The following MLF1 variants were observed in gnomAD, a reference collection of about 807,000 sequenced individuals.
MLF1 encodes the protein myeloid leukemia factor 1.
Under a neutral mutation model 38.3 loss-of-function variants are expected in MLF1, and 37 were observed. That is an observed-to-expected ratio of 0.96 (90% CI 0.74 to 1.27). The LOEUF (loss-of-function observed/expected upper bound fraction) is 1.27. Among genes scored for constraint, MLF1 ranks in the 50% most tolerant of loss-of-function variants. The probability of loss-of-function intolerance (pLI) is 0.00; values close to 1 mark genes in which losing one functional copy is unlikely to be tolerated. For missense variants in MLF1, 331 were observed against 349.2 expected (o/e 0.95, Z 0.42); for synonymous variants, 95 against 106.5 (o/e 0.89, Z 0.66).
rs548166900 is a variant in MLF1, at chr3:158,571,514, G to A, written c.47+167G>A. On this transcript the variant is annotated intron_variant, in intron 1 of 7. Coordinates refer to ENST00000466246, the MANE Select transcript of MLF1 (RefSeq NM_001369783.1). ...TGGAGGCCTGGGAGGGAAGAGAGAGGAGGATTTAGGGGTGTGTGAGACAGG... is the reference window on the plus strand; with the variant it reads ...TGGAGGCCTGGGAGGGAAGAGAGAGAAGGATTTAGGGGTGTGTGAGACAGG... 307 of 767,380 alleles carry A rather than the reference G, an allele frequency of 4.0e-4. 3 individuals are homozygous for A. In the South Asian group the frequency reaches 5.0e-3, roughly 12 times the overall value. 47.5% of individuals were successfully genotyped at this position (767,380 alleles called of 1,614,324 possible).
At chr3:158,602,005 A>T (rs1206982444) in intron 6 of MLF1, among the ~76,000 whole-genome samples, 1 of 151,664 alleles carries the variant, frequency 6.6e-6, no homozygotes, top group Non-Finnish European at 1.5e-5. Flanking sequence ...TTTAGTAGAG[A>T]CGTGGTTTCA....
chr3:158,583,615 A>C (rs1279393969), intron 1 of MLF1, among the ~76,000 whole-genome samples: 1 of 152,218 alleles, frequency 6.6e-6, no homozygotes, highest in Non-Finnish European at 1.5e-5. Context: ...TGGGAAATGG[A>C]AGTCTCAGAT....
intron 7 of MLF1, among the ~76,000 whole-genome samples, chr3:158,604,074 C>T (rs1448629574): frequency 6.6e-6 from 1 of 152,178 alleles, no homozygotes; most frequent in Non-Finnish European, 1.5e-5. Flanking sequence ...AAGTGAGTAT[C>T]AAGTAAATCA....
rs768378588 is a variant in MLF1, at chr3:158,591,193, T to TCTGTCACC, written c.48-1239_48-1232dup. ...TTTTTTTTTTGAGACAGAGTCTGGC[T>TCTGTCACC]CTGTCACCCCGTCTGGAGTGCAATG... On this transcript the variant is annotated intron_variant, in intron 1 of 7. Transcript: ENST00000466246. 3 of 450,212 alleles carry TCTGTCACC rather than the reference T, an allele frequency of 6.7e-6. 1 individual carries two copies. The highest frequency in any genetic ancestry group is 4.7e-5 in the South Asian group (3 of 63,836). The allele number at this position is 450,212 out of a possible 1,614,324, so 27.9% of individuals were successfully genotyped here. A position where few individuals can be genotyped will look rare whatever the true frequency, so the allele number is the denominator to read the frequency against.
At chr3:158,572,342 TTGAGGG>T (rs1714592419) in intron 1 of MLF1, among the ~76,000 whole-genome samples, 1 of 123,194 alleles carries the variant, frequency 8.1e-6, no homozygotes, top group Non-Finnish European at 1.7e-5. Flanking sequence ...GGGACGAGGG[TTGAGGG>T]CGTGAGTTGG....
chr3:158,591,156 T>A (rs1560105112), intron 1 of MLF1: 1 of 466,116 alleles, frequency 2.1e-6, no homozygotes, highest in South Asian at 1.5e-5. Flanking sequence ...GCAAGGAAAA[T>A]TTCTTTTTTT....
intron 1 of MLF1, chr3:158,590,899 A>G: frequency 2.3e-6 from 1 of 431,326 alleles, no homozygotes. Flanking sequence ...CTGAATGAAA[A>G]CATCTGTCTA....
chr3:158,581,604 C>G (rs1716376903), intron 1 of MLF1, among the ~76,000 whole-genome samples: 1 of 152,170 alleles, frequency 6.6e-6, no homozygotes, highest in Admixed American at 6.5e-5. Context: ...CACTACATTA[C>G]TAAAGGTCTA....
rs1717282670 is a variant in MLF1 at position 158,586,501 on chromosome 3, A to G, written c.48-5933A>G. ...AAGATACTAAGGGTTTACTGTGTTCAAATTACTAGATGTTAGAATCCAGGA... is the reference window on the plus strand; with the variant it reads ...AAGATACTAAGGGTTTACTGTGTTCGAATTACTAGATGTTAGAATCCAGGA... On this transcript the variant is annotated intron_variant, in intron 1 of 7. Transcript: ENST00000466246. Among the ~76,000 whole-genome samples the G allele has an allele frequency of 2.0e-5, 3 of 152,228 alleles. No individual in the cohort carries two copies. In the South Asian group the frequency reaches 6.2e-4, roughly 32 times the overall value.
intron 1 of MLF1, among the ~76,000 whole-genome samples, chr3:158,583,371 T>C (rs6777711): frequency 0.56 from 85,424 of 151,912 alleles, 24,904 homozygotes; most frequent in African/African-American, 0.72. Context: ...TTTGCTGACA[T>C]GTTGATCTCA....
At chr3:158,603,397 T>C (rs1355090729) in intron 7 of MLF1, among the ~76,000 whole-genome samples, 2 of 152,230 alleles carry the variant, frequency 1.3e-5, no homozygotes, top group Non-Finnish European at 2.9e-5. Context: ...TTCAGACACT[T>C]GTATAATATG....
At chr3:158,582,106 G>A (rs1256163202) in intron 1 of MLF1, among the ~76,000 whole-genome samples, 2 of 152,132 alleles carry the variant, frequency 1.3e-5, no homozygotes, top group Non-Finnish European at 2.9e-5. Context: ...CTTGAACCCA[G>A]GAGGTGGAGG....
At chr3:158,588,928 A>T (rs1560103704) in intron 1 of MLF1, 2 of 456,042 alleles carry the variant, frequency 4.4e-6, no homozygotes, top group Non-Finnish European at 8.8e-6. Context: ...AGGACATGTA[A>T]GTCCCATGTA....
chr3:158,579,479 C>T (rs565780821), intron 1 of MLF1, among the ~76,000 whole-genome samples: 5 of 152,280 alleles, frequency 3.3e-5, no homozygotes, highest in African/African-American at 9.6e-5. Flanking sequence ...CATCTTCCAA[C>T]AGGCAGTCAT....
chr3:158,577,247 A>T (rs545418120), intron 1 of MLF1, among the ~76,000 whole-genome samples: 1 of 152,322 alleles, frequency 6.6e-6, no homozygotes, highest in African/African-American at 2.4e-5. Flanking sequence ...TATGTACAAG[A>T]TGTGGGTTAA....
In MLF1 at chr3:158,605,242, A is replaced by G; in HGVS notation, c.*40A>G. Reference sequence around the variant, plus strand: ...GATTTGTTTAGTTTTGATTGTTTTAACAGTTAGTAATGGTGCTGGGTAATA... The same window carrying G: ...GATTTGTTTAGTTTTGATTGTTTTAGCAGTTAGTAATGGTGCTGGGTAATA... On this transcript the variant is annotated 3_prime_UTR_variant, in exon 8 of 8. Transcript: ENST00000466246. 1 of 1,498,324 alleles carries G rather than the reference A, an allele frequency of 6.7e-7. No individual in the cohort carries two copies. The highest frequency in any genetic ancestry group is 2.3e-5 in the East Asian group (1 of 43,666). 92.8% of individuals were successfully genotyped at this position (1,498,324 alleles called of 1,614,324 possible).
intron 7 of MLF1, 102 bp from the exon 8 acceptor site, chr3:158,604,995 A>G: frequency 1.1e-6 from 1 of 900,592 alleles, no homozygotes; most frequent in Non-Finnish European, 1.7e-6. Context: ...TTTTAAGATA[A>G]AACTTTTCTT....
rs1193217957 is a variant in MLF1, at chr3:158,596,908, A to G, written c.287A>G (p.Asn96Ser). 6.2e-7 allele frequency: 1 copy of G among 1,609,958 alleles called. No individual in the cohort carries two copies. Residue 96 changes from asparagine (N) to serine (S), a missense_variant, in exon 4 of 8, where the codon AAT (asparagine) becomes AGT (serine). By Grantham distance (46) the Asn-to-Ser change is conservative (BLOSUM62 1). Coordinates refer to ENST00000466246, the MANE Select transcript of MLF1 (RefSeq NM_001369783.1). ...CAGACAATGGACCAAATGGTGTCAA[A>G]TATGAGAAACTATATGCAGAAATTA... ...SFQTMDQMVS[N>S]MRNYMQKLER...
rs1717186234 is a variant in MLF1, at chr3:158,585,974, C to A, written c.48-6460C>A. Among the ~76,000 whole-genome samples the A allele has an allele frequency of 3.9e-5, 6 of 152,088 alleles. No homozygotes were observed. The South Asian group carries it at 1.2e-3, about 32-fold the overall frequency. On this transcript the variant is annotated intron_variant, in intron 1 of 7. Coordinates refer to ENST00000466246, the MANE Select transcript of MLF1 (RefSeq NM_001369783.1). ...GTCAGGAGTTCGAGACCAGCCAGGC[C>A]AACATAGTAAAACCCCATCTCTACT...
Sources: gnomAD v4.1 joint callset for allele counts (sites outside exome capture counted in the v4.1 genomes callset) on GRCh38, gnomAD v4.1.1 for gene constraint, MANE v1.5 for transcripts, NCBI Gene and HGNC (gene_info 2026-07-23, HGNC 2026-07-21) for gene names.